Variants in SCAF8 observed in about 807,000 individuals in gnomAD.
SCAF8 encodes SR-related CTD associated factor 8, also known as SR-related and CTD-associated factor 8.
SCAF8 carries 23 observed loss-of-function variants against 140.5 expected under a neutral mutation model. That is an observed-to-expected ratio of 0.16 (90% CI 0.12 to 0.23). The LOEUF (loss-of-function observed/expected upper bound fraction) is 0.23. Ranked by LOEUF, SCAF8 falls within the 10% of genes least tolerant of loss-of-function variation. The probability of loss-of-function intolerance (pLI) is 1.00; values close to 1 mark genes in which losing one functional copy is unlikely to be tolerated. For missense variants in SCAF8, 1,397 were observed against 1,555.7 expected (o/e 0.90, Z 1.72); for synonymous variants, 575 against 528.9 (o/e 1.09, Z -1.20).
Position 154,822,285 on chromosome 6 carries a change from C to T in SCAF8, c.1802C>T (p.Thr601Ile), listed in dbSNP as rs1429835116. The T allele has an allele frequency of 6.2e-7, 1 of 1,606,784 alleles. No homozygotes were observed. The highest frequency in any genetic ancestry group is 1.1e-5 in the South Asian group (1 of 89,590). Residue 601 changes from threonine to isoleucine, a missense_variant, in exon 16 of 20, where the codon ACT becomes ATT. Around this residue, in one of 5 missense-constraint regions of SCAF8, gnomAD observed 930 missense variants for 874.6 expected, o/e 1.06. Transcript: ENST00000367178. ...DQETVNTEWE[T>I]VKSSEPVKET... Reference sequence around the variant, plus strand: ...CAACTATTTTGTTTAGAGTGGGAAACTGTGAAAAGCTCAGAACCTGTTAAA... The same window carrying T: ...CAACTATTTTGTTTAGAGTGGGAAATTGTGAAAAGCTCAGAACCTGTTAAA...
intron 1 of SCAF8, among the ~76,000 whole-genome samples, chr6:154,765,222 A>G (rs1367488739): frequency 1.3e-5 from 2 of 152,224 alleles, no homozygotes; most frequent in East Asian, 3.8e-4. Context: ...GAAGGCAGGT[A>G]TGCTCACCAC....
chr6:154,794,759 T>TGG (rs1176203256), intron 5 of SCAF8, among the ~76,000 whole-genome samples: 8 of 9,872 alleles, frequency 8.1e-4, no homozygotes, highest in Admixed American at 1.4e-3. Context: ...ATCCTTTTGG[T>TGG]GGGGGGGGGG....
intron 12 of SCAF8, among the ~76,000 whole-genome samples, chr6:154,814,148 C>T (rs1778177887): frequency 6.6e-6 from 1 of 152,196 alleles, no homozygotes; most frequent in African/African-American, 2.4e-5. Flanking sequence ...GTGGTGAAAC[C>T]ACATCTCTGC....
rs1400379555 is a variant in SCAF8, at chr6:154,833,348, A to G, written c.3769A>G (p.Ile1257Val). ...NKEKSDTVAD[I>V]ESEPVVESTE... ...GGAGAAGAGTGACACAGTTGCTGAT[A>G]TAGAAAGTGAACCAGTGGTAGAAAG... Residue 1257 changes from isoleucine to valine, a missense_variant, in exon 20 of 20, where the codon ATA (isoleucine) becomes GTA (valine). Physicochemically the swap from Ile to Val is conservative, Grantham distance 29. Transcript: ENST00000367178. 8.1e-6 allele frequency: 13 copies of G among 1,613,950 alleles called. No individual in the cohort carries two copies. The highest frequency in any genetic ancestry group is 1.1e-5 in the Non-Finnish European group (13 of 1,179,938).
At chr6:154,759,408 A>G (rs1779044071) in intron 1 of SCAF8, among the ~76,000 whole-genome samples, 1 of 152,170 alleles carries the variant, frequency 6.6e-6, no homozygotes, top group South Asian at 2.1e-4. Context: ...TAAGTTTCAA[A>G]AATAGATCTC....
At chr6:154,793,078 C>T (rs1204315644) in intron 5 of SCAF8, 102 bp downstream of exon 5, 1 of 792,338 alleles carries the variant, frequency 1.3e-6, no homozygotes, top group Non-Finnish European at 1.8e-6. Context: ...AAAATTTGTC[C>T]AGCATTACAT....
intron 15 of SCAF8, among the ~76,000 whole-genome samples, chr6:154,821,540 G>A (rs1021989755): frequency 6.6e-6 from 1 of 152,140 alleles, no homozygotes; most frequent in Non-Finnish European, 1.5e-5. Flanking sequence ...ATCAGGGAAG[G>A]GAGATGGGCA....
intron 12 of SCAF8, among the ~76,000 whole-genome samples, 172 bp downstream of exon 12, chr6:154,810,380 G>GA (rs1204980805): frequency 6.6e-6 from 1 of 151,742 alleles, no homozygotes; most frequent in Non-Finnish European, 1.5e-5. Flanking sequence ...GAAGAAGGAA[G>GA]AACAGATTCC....
rs749770520 is a variant in SCAF8 at position 154,777,956 on chromosome 6, C to T, written c.115-45C>T. On this transcript the variant is annotated intron_variant, in intron 2 of 19. Transcript: ENST00000367178. ...ATGGTTAGCAGGAAATTTCAATCTC[C>T]TCAAACTGATTTTAAAACCATACTT... The T allele has an allele frequency of 7.2e-6, 9 of 1,257,908 alleles. No individual in the cohort carries two copies. In the East Asian group the frequency reaches 1.6e-4, roughly 23 times the overall value. 77.9% of individuals were successfully genotyped at this position (1,257,908 alleles called of 1,614,324 possible).
rs185253545 is a variant in SCAF8 at position 154,822,265 on chromosome 6, A to C, written c.1793-11A>C. ...TATCCAAAGGAAATCAATTTCAACTATTTTGTTTAGAGTGGGAAACTGTGA... is the reference window on the plus strand; with the variant it reads ...TATCCAAAGGAAATCAATTTCAACTCTTTTGTTTAGAGTGGGAAACTGTGA... On this transcript the variant is annotated splice_polypyrimidine_tract_variant and intron_variant, in intron 15 of 19. Coordinates refer to ENST00000367178, the MANE Select transcript of SCAF8 (RefSeq NM_014892.5). 6.3e-7 allele frequency: 1 copy of C among 1,593,404 alleles called. No homozygotes were observed. Among genetic ancestry groups the C allele is most frequent in the Non-Finnish European group, 8.5e-7 (1 of 1,172,802 alleles).
At chr6:154,745,539 G>A (rs1294623446) in intron 1 of SCAF8, among the ~76,000 whole-genome samples, 1 of 151,960 alleles carries the variant, frequency 6.6e-6, no homozygotes. Flanking sequence ...ATGCCTGCCT[G>A]ATTTTTTAGA....
chr6:154,746,306 C>T (rs1057011756), intron 1 of SCAF8, among the ~76,000 whole-genome samples: 3 of 152,234 alleles, frequency 2.0e-5, no homozygotes, highest in Middle Eastern at 6.8e-3. Context: ...TTTGAGTTGT[C>T]TTATTCTCTA....
chr6:154,823,619 C>G (rs1778483224), intron 16 of SCAF8, among the ~76,000 whole-genome samples: 1 of 152,142 alleles, frequency 6.6e-6, no homozygotes. Context: ...TTACCATTAT[C>G]TGAGACTGGG....
chr6:154,735,238 G>T (rs1431334039), intron 1 of SCAF8, among the ~76,000 whole-genome samples: 1 of 152,050 alleles, frequency 6.6e-6, no homozygotes, highest in Non-Finnish European at 1.5e-5. Context: ...TTGTTAAAGA[G>T]TATCTTTAAT....
intron 1 of SCAF8, among the ~76,000 whole-genome samples, chr6:154,741,786 A>G (rs1401515543): frequency 6.6e-6 from 1 of 152,220 alleles, no homozygotes; most frequent in Non-Finnish European, 1.5e-5. Flanking sequence ...AATTTCAGAT[A>G]TCTCTTTCTA....
At chr6:154,810,364 AGAG>A (rs983157658) in intron 12 of SCAF8, among the ~76,000 whole-genome samples, 156 bp downstream of exon 12, 2 of 145,002 alleles carry the variant, frequency 1.4e-5, no homozygotes, top group African/African-American at 4.9e-5. Context: ...ATGATAGAGA[AGAG>A]AAGAAGAAGG....
intron 12 of SCAF8, among the ~76,000 whole-genome samples, chr6:154,811,294 A>T (rs952050744): frequency 5.9e-5 from 9 of 152,122 alleles, no homozygotes; most frequent in African/African-American, 2.2e-4. Flanking sequence ...GTTCAGAATT[A>T]TCTATTTATT....
At chr6:154,779,577 A>G (rs1240779237) in intron 3 of SCAF8, among the ~76,000 whole-genome samples, 3 of 152,196 alleles carry the variant, frequency 2.0e-5, no homozygotes, top group African/African-American at 7.2e-5. Context: ...GTGGTAGGGT[A>G]CTTTGAATAA....
At chr6:154,740,469 CAATTTTAAGT>C (rs1778538688) in intron 1 of SCAF8, among the ~76,000 whole-genome samples, 1 of 152,066 alleles carries the variant, frequency 6.6e-6, no homozygotes, top group Non-Finnish European at 1.5e-5. Context: ...GTGATCATAG[CAATTTTAAGT>C]AATTTTAATA....
Sources: allele counts gnomAD v4.1 joint callset (sites outside exome capture counted in the v4.1 genomes callset), GRCh38; gene constraint gnomAD v4.1.1; regional missense constraint gnomAD v4.1.1; transcripts MANE v1.5; gene names NCBI Gene and HGNC (gene_info 2026-07-23, HGNC 2026-07-21).